Variants in ETV5 observed in about 807,000 individuals in gnomAD.
ETV5 encodes ETS variant transcription factor 5.
A neutral mutation model predicts 70.0 loss-of-function variants in ETV5; 10 were observed. That is an observed-to-expected ratio of 0.14 (90% confidence interval 0.09 to 0.24). The LOEUF (loss-of-function observed/expected upper bound fraction) is 0.24. Among genes scored for constraint, ETV5 ranks in the 10% least tolerant of loss-of-function variants. The pLI is 1.00. For synonymous variants in ETV5, 216 were observed against 242.2 expected (o/e 0.89, Z 1.01); for missense variants, 453 against 651.2 (o/e 0.70, Z 3.31).
At chr3:186,072,917 C>T (rs1713678918) in intron 7 of ETV5, among the ~76,000 whole-genome samples, 1 of 152,100 alleles carries the variant, frequency 6.6e-6, no homozygotes, top group Non-Finnish European at 1.5e-5. Context: ...GGCAGATAAC[C>T]TGTCAGGAGT....
chr3:186,093,673 A>C (rs1359369326), intron 5 of ETV5, among the ~76,000 whole-genome samples: 1 of 152,214 alleles, frequency 6.6e-6, no homozygotes, highest in African/African-American at 2.4e-5. Context: ...ACTCAGGTTG[A>C]CCGGCCCAAG....
intron 9 of ETV5, among the ~76,000 whole-genome samples, chr3:186,062,388 C>T (rs200965520): frequency 6.5e-4 from 99 of 152,228 alleles, no homozygotes; most frequent in African/African-American, 2.0e-3. Flanking sequence ...CTTGGGAGGC[C>T]GAGGCGGGCA....
At chr3:186,061,120 G>A (rs921155635) in intron 9 of ETV5, among the ~76,000 whole-genome samples, 79 of 152,286 alleles carry the variant, frequency 5.2e-4, no homozygotes, top group African/African-American at 1.9e-3. Flanking sequence ...CGGCTCTTAT[G>A]AACTAATCAC....
intron 7 of ETV5, among the ~76,000 whole-genome samples, chr3:186,070,647 T>C (rs1185051569): frequency 2.0e-5 from 3 of 152,264 alleles, no homozygotes; most frequent in Non-Finnish European, 4.4e-5. Flanking sequence ...ATGTCTTTTA[T>C]GTGCAGAGAT....
chr3:186,047,500 T>C lies in ETV5; in HGVS notation c.*1139A>G, dbSNP rs1163069930. ...CCAGGTTTCCAAAGGACATGACACATGTTATATACATATGCTTTCCAGAGA... is the reference window on the plus strand; with the variant it reads ...CCAGGTTTCCAAAGGACATGACACACGTTATATACATATGCTTTCCAGAGA... On this transcript the variant is annotated 3_prime_UTR_variant, in exon 13 of 13. Transcript: ENST00000306376. The C allele has an allele frequency of 4.3e-6, 1 of 232,270 alleles. No individual in the cohort carries two copies. Among genetic ancestry groups the C allele is most frequent in the Non-Finnish European group, 8.5e-6 (1 of 117,428 alleles). 14.4% of individuals were successfully genotyped at this position (232,270 alleles called of 1,614,324 possible). A position where few individuals can be genotyped will look rare whatever the true frequency, so the allele number is the denominator to read the frequency against.
At chr3:186,084,450 T>G (rs1714006731) in intron 5 of ETV5, among the ~76,000 whole-genome samples, 3 of 146,904 alleles carry the variant, frequency 2.0e-5, no homozygotes, top group African/African-American at 7.8e-5. Context: ...CATGAAGATC[T>G]TTCTTTCTGT....
chr3:186,051,919 T>C, intron 12 of ETV5, 111 bp downstream of exon 12: 1 of 978,058 alleles, frequency 1.0e-6, no homozygotes, highest in South Asian at 1.4e-5. Flanking sequence ...CAGAATCACT[T>C]AGGGGGCTAA....
At chr3:186,108,670 C>T in intron 1 of ETV5, 1 of 1,156,492 alleles carries the variant, frequency 8.6e-7, no homozygotes, top group Non-Finnish European at 1.1e-6. Context: ...CCCGCACTCG[C>T]GCTCCGGGGC....
intron 8 of ETV5, among the ~76,000 whole-genome samples, chr3:186,065,274 G>T (rs1363607903): frequency 6.6e-6 from 1 of 152,140 alleles, no homozygotes. Flanking sequence ...AGATCAAAAT[G>T]TCAGTCTTAA....
chr3:186,075,352 ACT>A (rs1319037681), intron 7 of ETV5, among the ~76,000 whole-genome samples: 3 of 152,220 alleles, frequency 2.0e-5, no homozygotes, highest in Non-Finnish European at 4.4e-5. Context: ...TACAAATGTG[ACT>A]TACAGTCAAG....
At chr3:186,055,308 C>G (rs1156988359) in intron 11 of ETV5, among the ~76,000 whole-genome samples, 1 of 152,200 alleles carries the variant, frequency 6.6e-6, no homozygotes, top group Non-Finnish European at 1.5e-5. Context: ...CCTCAGTGAA[C>G]CTAGGTGACA....
chr3:186,071,196 A>G (rs1339585049), intron 7 of ETV5, among the ~76,000 whole-genome samples: 6 of 152,208 alleles, frequency 3.9e-5, no homozygotes, highest in Admixed American at 3.9e-4. Context: ...CAATGCTCAC[A>G]GGAAAAAAAA....
chr3:186,057,520 G>A lies in ETV5; in HGVS notation c.971-29C>T, dbSNP rs376436406. ...AAAGAGAATTTAAAAGAAAGACTACGTTGCTTAACAAATTCTGTGTTGTAC... is the reference window on the plus strand; with the variant it reads ...AAAGAGAATTTAAAAGAAAGACTACATTGCTTAACAAATTCTGTGTTGTAC... On this transcript the variant is annotated intron_variant, in intron 9 of 12. Coordinates refer to ENST00000306376, the MANE Select transcript of ETV5 (RefSeq NM_004454.3). This position sits in a 1 kb window ranked among gnomAD's most constrained non-coding sequence, Gnocchi z 4.9. The A allele has an allele frequency of 2.7e-5, 42 of 1,564,474 alleles. No individual in the cohort carries two copies. Among genetic ancestry groups the A allele is most frequent in the South Asian group, 8.9e-5 (8 of 89,970 alleles).
chr3:186,105,603 T>A lies in ETV5; in HGVS notation c.133+22A>T. The A allele has an allele frequency of 6.2e-7, 1 of 1,613,954 alleles. No individual in the cohort carries two copies. The highest frequency in any genetic ancestry group is 8.5e-7 in the Non-Finnish European group (1 of 1,179,828). On this transcript the variant is annotated intron_variant, in intron 3 of 12. Coordinates refer to ENST00000306376, the MANE Select transcript of ETV5 (RefSeq NM_004454.3). The surrounding 1 kb of genome is among the most constrained non-coding windows in gnomAD (Gnocchi z 4.5). ...CACTGGGAGCAGGGAAGCCACAACA[T>A]AATCAGGGAAAGCTTTACTACCTTC... is the stretch of plus-strand genomic sequence containing the variant.
chr3:186,048,757 T>C lies in ETV5; in HGVS notation c.1415A>G (p.Glu472Gly), dbSNP rs2150140043. 6.2e-7 allele frequency: 1 copy of C among 1,614,128 alleles called. No individual in the cohort carries two copies. Among genetic ancestry groups the C allele is most frequent in the South Asian group, 1.1e-5 (1 of 91,080 alleles). The part of the protein sequence containing the change: ...NQRPFLKAES[E>G]CHLSEEDTLP... ...GGTGTCCTCCTCGCTGAGGTGGCAC[T>C]CGGACTCTGCCTTCAGGAACGGACG... Residue 472 changes from glutamate (E) to glycine (G), a missense_variant, in exon 13 of 13, where the codon GAG (glutamate) becomes GGG (glycine). Around this residue, in one of 4 missense-constraint regions of ETV5, gnomAD observed 74 missense variants for 95.2 expected, o/e 0.78. Transcript: ENST00000306376.
intron 1 of ETV5, among the ~76,000 whole-genome samples, chr3:186,107,789 CCACATCAGGT>C (rs1714625580): frequency 6.6e-6 from 1 of 152,000 alleles, no homozygotes; most frequent in South Asian, 2.1e-4. Flanking sequence ...GCCGCGGCCG[CCACATCAGGT>C]AGAGGCTGTA....
intron 7 of ETV5, among the ~76,000 whole-genome samples, chr3:186,072,505 C>T (rs1253770616): frequency 6.6e-6 from 1 of 152,110 alleles, no homozygotes; most frequent in Non-Finnish European, 1.5e-5. Context: ...TCTCCTTTTT[C>T]AGAAAGAGAA....
chr3:186,108,501 T>G, intron 1 of ETV5: 1 of 1,285,590 alleles, frequency 7.8e-7, no homozygotes. Context: ...GCAGCGCCTC[T>G]CAGACATTCC....
At chr3:186,078,559 AT>A (rs1202525625) in intron 7 of ETV5, among the ~76,000 whole-genome samples, 1 of 152,150 alleles carries the variant, frequency 6.6e-6, no homozygotes, top group Non-Finnish European at 1.5e-5. Context: ...CAATTTTTAC[AT>A]AAAAAACCAA....
Sources: gnomAD v4.1 joint callset for allele counts (sites outside exome capture counted in the v4.1 genomes callset) on GRCh38, gnomAD v4.1.1 for gene constraint, gnomAD v4.1.1 regional missense constraint, Gnocchi (gnomAD v3.1) non-coding constraint, MANE v1.5 for transcripts, NCBI Gene and HGNC (gene_info 2026-07-23, HGNC 2026-07-21) for gene names.